The following ATP8A2 variants were observed in gnomAD, a reference collection of about 807,000 sequenced individuals.
ATP8A2 encodes the protein phospholipid-transporting ATPase IB.
Under a neutral mutation model 165.6 loss-of-function variants are expected in ATP8A2, and 100 were observed. The ratio of observed to expected loss-of-function variants is 0.60; its 90% CI spans 0.51 to 0.71. The LOEUF is 0.71. Among genes scored for constraint, ATP8A2 ranks in the 30% least tolerant of loss-of-function variants. The probability of loss-of-function intolerance (pLI) is 0.00; values close to 1 mark genes in which losing one functional copy is unlikely to be tolerated. For synonymous variants in ATP8A2, 543 were observed against 548.8 expected, an observed-to-expected ratio of 0.99 and a Z score of 0.15; for missense variants, 1,227 against 1,479.5, an observed-to-expected ratio of 0.83 and a Z score of 2.80.
intron 35 of ATP8A2, among the ~76,000 whole-genome samples, chr13:25,987,396 G>A (rs145700994): frequency 7.6e-4 from 116 of 152,348 alleles, no homozygotes; most frequent in Middle Eastern, 3.4e-3. Context: ...TTAAAAGAAA[G>A]GGTTTGCCAG....
intron 1 of ATP8A2, 29 bp from the exon 2 acceptor site, chr13:25,468,948 T>C: frequency 6.2e-7 from 1 of 1,611,830 alleles, no homozygotes; most frequent in Non-Finnish European, 8.5e-7. Flanking sequence ...CTTTGTGTCG[T>C]ATTCTCTGCC....
chr13:25,673,857 G>A (rs2042316155), intron 24 of ATP8A2, among the ~76,000 whole-genome samples: 1 of 152,138 alleles, frequency 6.6e-6, no homozygotes, highest in Non-Finnish European at 1.5e-5. Context: ...GGGAAAGGAG[G>A]GGAAAAAGAA....
intron 1 of ATP8A2, among the ~76,000 whole-genome samples, chr13:25,460,319 C>T (rs1454563975): frequency 6.6e-6 from 1 of 152,162 alleles, no homozygotes; most frequent in African/African-American, 2.4e-5. Flanking sequence ...TCATGCATAT[C>T]GAATCAGCAA....
chr13:25,466,721 T>C (rs138880676), intron 1 of ATP8A2, among the ~76,000 whole-genome samples: 2 of 152,258 alleles, frequency 1.3e-5, no homozygotes, highest in African/African-American at 4.8e-5. Flanking sequence ...GGAAGCTGCA[T>C]TGGTAATACT....
At chr13:25,378,799 G>A (rs760602115) in intron 1 of ATP8A2, among the ~76,000 whole-genome samples, 3 of 152,150 alleles carry the variant, frequency 2.0e-5, no homozygotes, top group Non-Finnish European at 4.4e-5. Flanking sequence ...CTGATACTGC[G>A]CCACTGATGG....
chr13:25,718,860 C>A (rs911803715), intron 25 of ATP8A2, among the ~76,000 whole-genome samples: 2 of 152,160 alleles, frequency 1.3e-5, no homozygotes, highest in Non-Finnish European at 2.9e-5. Flanking sequence ...TTGGTTGGCT[C>A]TTTGCATTGA....
At chr13:25,466,162 G>A (rs2035662343) in intron 1 of ATP8A2, among the ~76,000 whole-genome samples, 2 of 152,082 alleles carry the variant, frequency 1.3e-5, no homozygotes, top group Admixed American at 1.3e-4. Flanking sequence ...AAGCTTCTTT[G>A]CTTGGCATTG....
At chr13:25,821,476 T>C (rs1017439434) in intron 27 of ATP8A2, among the ~76,000 whole-genome samples, 1 of 152,222 alleles carries the variant, frequency 6.6e-6, no homozygotes, top group African/African-American at 2.4e-5. Flanking sequence ...GGTAGCAGAT[T>C]CATATCCAGT....
chr13:25,463,571 C>T (rs918641833), intron 1 of ATP8A2, among the ~76,000 whole-genome samples: 10 of 152,118 alleles, frequency 6.6e-5, no homozygotes, highest in Admixed American at 6.5e-4. Context: ...TACCTGCTCC[C>T]CTGACAATGT....
At chr13:25,807,335 T>A (rs1950764606) in intron 27 of ATP8A2, among the ~76,000 whole-genome samples, 1 of 152,170 alleles carries the variant, frequency 6.6e-6, no homozygotes, top group Admixed American at 6.5e-5. Flanking sequence ...CTTACGACTG[T>A]TATTTATTTT....
chr13:25,644,859 TCTTATGGTC>T, intron 24 of ATP8A2, among the ~76,000 whole-genome samples: 1 of 152,318 alleles, frequency 6.6e-6, no homozygotes, highest in South Asian at 2.1e-4. Flanking sequence ...CATAATGTTC[TCTTATGGTC>T]CTTTGGATTT....
At position 25,447,832 on chromosome 13, in the gene ATP8A2, G is replaced by T. The variant is rs183646649; in HGVS notation, c.77-21145G>T. Among the ~76,000 whole-genome samples the T allele has an allele frequency of 3.4e-3, 522 of 152,308 alleles. 4 individuals are homozygous for T. Among genetic ancestry groups the T allele is most frequent in the Non-Finnish European group, 5.3e-3 (362 of 68,028 alleles). ...TGGAAGTGGCTTTCAGTGGGATGGG[G>T]AGCTGGAGAGGGGATGGAGTGGGAA... On this transcript the variant is annotated intron_variant, in intron 1 of 36. Coordinates refer to ENST00000381655, the MANE Select transcript of ATP8A2 (RefSeq NM_016529.6).
At chr13:25,588,157 G>A (rs2039974500) in intron 23 of ATP8A2, among the ~76,000 whole-genome samples, 1 of 152,056 alleles carries the variant, frequency 6.6e-6, no homozygotes. Context: ...TTAACATTTG[G>A]ATGAAAAGCC....
rs993440652 is a variant in ATP8A2, at chr13:25,921,152, C to T, written c.3184-40423C>T. ...TTGTAGCCTGAGAAGCCATACAGTC[C>T]TCTTTTCCTCACTCCCATTGCGTTG... On this transcript the variant is annotated intron_variant, in intron 33 of 36. Transcript: ENST00000381655. Among the ~76,000 whole-genome samples, 6 of 152,176 alleles carry T rather than the reference C, an allele frequency of 3.9e-5. No homozygotes were observed. In the South Asian group the frequency reaches 1.2e-3, roughly 32 times the overall value.
chr13:25,557,263 A>G (rs2039008369), intron 13 of ATP8A2, among the ~76,000 whole-genome samples: 1 of 152,214 alleles, frequency 6.6e-6, no homozygotes. Context: ...CACAGAGCAC[A>G]AATCCTCCCA....
chr13:25,898,824 C>T (rs1220270080), intron 33 of ATP8A2, among the ~76,000 whole-genome samples: 10 of 152,332 alleles, frequency 6.6e-5, no homozygotes, highest in South Asian at 2.1e-4. Flanking sequence ...TAGAACCCTC[C>T]GAGCTAGGTG....
At chr13:25,772,350 G>A (rs1350926143) in intron 26 of ATP8A2, among the ~76,000 whole-genome samples, 1 of 152,140 alleles carries the variant, frequency 6.6e-6, no homozygotes, top group Non-Finnish European at 1.5e-5. Flanking sequence ...GACTCAAGCA[G>A]ATGTTTTCTG....
Position 25,372,133 on chromosome 13 carries a change from CG to C in ATP8A2, c.-77del. 9.7e-7 allele frequency: 1 copy of C among 1,032,780 alleles called. No homozygotes were observed. The allele number at this position is 1,032,780 out of a possible 1,614,324, so 64.0% of individuals were successfully genotyped here. A position where few individuals can be genotyped will look rare whatever the true frequency, so the allele number is the denominator to read the frequency against. ...GAGGCGCTGGCCCACCCATGGTCCTCGGGCGGCGGCCCCTGCGCCCAGCCCT... is the reference window on the plus strand; with the variant it reads ...GAGGCGCTGGCCCACCCATGGTCCTCGGCGGCGGCCCCTGCGCCCAGCCCT... On this transcript the variant is annotated 5_prime_UTR_variant, in exon 1 of 37. An upstream open reading frame in the 5' UTR gains an earlier in-frame stop. Transcript: ENST00000381655. The surrounding 1 kb of genome is among the most constrained non-coding windows in gnomAD (Gnocchi z 4.8).
intron 24 of ATP8A2, among the ~76,000 whole-genome samples, chr13:25,591,808 A>G (rs1371148049): frequency 1.3e-5 from 2 of 152,078 alleles, no homozygotes; most frequent in Admixed American, 1.3e-4. Context: ...GTCTCAATCC[A>G]ACTTTTGACT....
Sources: gnomAD v4.1 joint callset for allele counts (sites outside exome capture counted in the v4.1 genomes callset) on GRCh38, gnomAD v4.1.1 for gene constraint, Gnocchi (gnomAD v3.1) non-coding constraint, MANE v1.5 for transcripts, NCBI Gene and HGNC (gene_info 2026-07-23, HGNC 2026-07-21) for gene names.